The following MSRA variants were observed in gnomAD, a reference collection of about 807,000 sequenced individuals.
MSRA encodes the protein mitochondrial peptide methionine sulfoxide reductase.
In MSRA, 54 loss-of-function variants were observed where a neutral mutation model predicts 31.3. The observed-to-expected ratio is 1.73, with a 90% confidence interval of 1.39 to 2.17. MSRA has a LOEUF of 2.17. Ranked by LOEUF, MSRA falls within the 30% of genes most tolerant of loss-of-function variation. The probability of loss-of-function intolerance (pLI) is 0.00; values close to 1 mark genes in which losing one functional copy is unlikely to be tolerated. For synonymous variants in MSRA, 169 were observed against 116.5 expected (o/e 1.45, Z -2.90); for missense variants, 507 against 300.9 (o/e 1.69, Z -5.07).
At position 10,163,544 on chromosome 8, in the gene MSRA, G is replaced by A. The variant is rs140252388; in HGVS notation, c.143-44289G>A. ...GGAGGGCATCACACCTTGTGCCTTC[G>A]TAGAGAAAAATTCCTGTTTCTGCCC... On this transcript the variant is annotated intron_variant, in intron 1 of 5. Coordinates refer to ENST00000317173, the MANE Select transcript of MSRA (RefSeq NM_012331.5). Among the ~76,000 whole-genome samples the A allele has an allele frequency of 6.8e-4, 104 of 152,302 alleles. 1 individual carries two copies. The highest frequency in any genetic ancestry group is 4.0e-3 in the Admixed American group (61 of 15,300).
At chr8:10,092,558 T>G (rs1040255414) in intron 1 of MSRA, among the ~76,000 whole-genome samples, 1 of 151,890 alleles carries the variant, frequency 6.6e-6, no homozygotes, top group African/African-American at 2.4e-5. Context: ...CTTGGGAGGC[T>G]GAGGCAGGAG....
chr8:10,376,480 T>G (rs1255027279), intron 5 of MSRA, among the ~76,000 whole-genome samples: 1 of 152,240 alleles, frequency 6.6e-6, no homozygotes, highest in Admixed American at 6.5e-5. Context: ...GGCACATTGC[T>G]GCTCTGCCTT....
chr8:10,375,885 C>T (rs1280967497), intron 5 of MSRA, among the ~76,000 whole-genome samples: 1 of 152,238 alleles, frequency 6.6e-6, no homozygotes, highest in Admixed American at 6.5e-5. Flanking sequence ...TTGCACTGGA[C>T]TGGAATTGAG....
intron 2 of MSRA, among the ~76,000 whole-genome samples, chr8:10,220,923 G>A (rs970979546): frequency 3.3e-5 from 5 of 152,204 alleles, no homozygotes; most frequent in African/African-American, 1.2e-4. Flanking sequence ...ACTAGGAGCA[G>A]GAAGTGACAG....
intron 1 of MSRA, among the ~76,000 whole-genome samples, chr8:10,057,089 C>A (rs1372523180): frequency 6.6e-6 from 1 of 152,170 alleles, no homozygotes; most frequent in Non-Finnish European, 1.5e-5. Flanking sequence ...AAGAGTCAAA[C>A]CTTCAAAGTT....
chr8:10,417,579 T>C (rs1808542404), intron 5 of MSRA, among the ~76,000 whole-genome samples: 1 of 152,180 alleles, frequency 6.6e-6, no homozygotes, highest in Admixed American at 6.5e-5. Context: ...TGCAGGAGCC[T>C]CTGCCCAGCT....
intron 5 of MSRA, among the ~76,000 whole-genome samples, chr8:10,411,722 A>G: frequency 6.6e-6 from 1 of 152,266 alleles, no homozygotes; most frequent in East Asian, 1.9e-4. Flanking sequence ...GAATAAAAAA[A>G]ATAAAGTTGC....
intron 5 of MSRA, among the ~76,000 whole-genome samples, chr8:10,400,361 C>CTGTGTG (rs778722885): frequency 0.015 from 2,245 of 148,054 alleles, 35 homozygotes; most frequent in African/African-American, 0.039. Context: ...TATTCAGGCT[C>CTGTGTG]TGTGTGTGTG....
chr8:10,124,622 A>G (rs967595662), intron 1 of MSRA, among the ~76,000 whole-genome samples: 1 of 152,254 alleles, frequency 6.6e-6, no homozygotes, highest in African/African-American at 2.4e-5. Context: ...AACAGGATGT[A>G]TGGTTAAATA....
chr8:10,256,450 C>T (rs370314964), intron 3 of MSRA, among the ~76,000 whole-genome samples: 3 of 152,114 alleles, frequency 2.0e-5, no homozygotes, highest in Non-Finnish European at 2.9e-5. Flanking sequence ...TGGTTTTAAA[C>T]GTTCAGTAGA....
intron 5 of MSRA, among the ~76,000 whole-genome samples, chr8:10,333,730 C>G (rs187213344): frequency 2.0e-5 from 3 of 151,892 alleles, no homozygotes; most frequent in Non-Finnish European, 4.4e-5. Context: ...GCCGGCCCCC[C>G]TCCATGTTCG....
intron 5 of MSRA, among the ~76,000 whole-genome samples, chr8:10,378,310 C>G (rs1024140853): frequency 6.6e-6 from 1 of 152,176 alleles, no homozygotes; most frequent in Non-Finnish European, 1.5e-5. Context: ...CAGGGAAAAG[C>G]TGTTGCCCAG....
intron 1 of MSRA, among the ~76,000 whole-genome samples, chr8:10,137,455 A>C (rs1802366750): frequency 6.6e-6 from 1 of 152,134 alleles, no homozygotes. Flanking sequence ...ATCGGTATTT[A>C]TTTCCTTATT....
intron 1 of MSRA, among the ~76,000 whole-genome samples, chr8:10,199,893 T>C (rs145690073): frequency 1.0e-3 from 158 of 152,290 alleles, no homozygotes; most frequent in African/African-American, 3.6e-3. Context: ...CTGGCACTTA[T>C]CAATGTGGAG....
intron 1 of MSRA, among the ~76,000 whole-genome samples, chr8:10,186,715 G>T (rs1807086368): frequency 6.6e-6 from 1 of 152,196 alleles, no homozygotes; most frequent in South Asian, 2.1e-4. Context: ...ATTTGGGGTA[G>T]TAGTGGCTGT....
At chr8:10,357,970 T>A (rs1234461589) in intron 5 of MSRA, among the ~76,000 whole-genome samples, 2 of 152,242 alleles carry the variant, frequency 1.3e-5, no homozygotes, top group Non-Finnish European at 2.9e-5. Flanking sequence ...TTGTCCAGGC[T>A]AGAGTGCAGT....
At chr8:10,160,340 A>G (rs528385521) in intron 1 of MSRA, among the ~76,000 whole-genome samples, 3 of 152,114 alleles carry the variant, frequency 2.0e-5, no homozygotes, top group Admixed American at 2.0e-4. Context: ...CTAAAAACAC[A>G]AAAAATTAGC....
intron 5 of MSRA, among the ~76,000 whole-genome samples, chr8:10,395,962 T>G (rs1190832145): frequency 3.3e-5 from 5 of 152,182 alleles, no homozygotes; most frequent in Admixed American, 2.6e-4. Flanking sequence ...ACAAGTGCAG[T>G]CAAGCTCAAG....
chr8:10,104,502 C>G (rs997766526), intron 1 of MSRA, among the ~76,000 whole-genome samples: 1 of 151,962 alleles, frequency 6.6e-6, no homozygotes, highest in Admixed American at 6.6e-5. Flanking sequence ...GAATCAGGGG[C>G]TTCTAGGTCA....
Sources: gnomAD v4.1 joint callset for allele counts (sites outside exome capture counted in the v4.1 genomes callset) on GRCh38, gnomAD v4.1.1 for gene constraint, MANE v1.5 for transcripts, NCBI Gene and HGNC (gene_info 2026-07-23, HGNC 2026-07-21) for gene names.